The following RXRA variants were observed in gnomAD, a reference collection of about 807,000 sequenced individuals.
RXRA encodes retinoid X receptor alpha, also known as retinoic acid receptor RXR-alpha.
In RXRA, 5 loss-of-function variants were observed where a neutral mutation model predicts 44.5. The observed-to-expected ratio is 0.11, with a 90% CI of 0.06 to 0.24. The LOEUF (loss-of-function observed/expected upper bound fraction) is 0.24. RXRA is among the 10% of genes least tolerant of loss of function. The pLI is 1.00. For synonymous variants in RXRA, 291 were observed against 271.4 expected, an observed-to-expected ratio of 1.07 and a Z score of -0.71; for missense variants, 412 against 646.5, an observed-to-expected ratio of 0.64 and a Z score of 3.93.
At chr9:134,327,828 G>C (rs1188497681) in intron 1 of RXRA, among the ~76,000 whole-genome samples, 2 of 152,190 alleles carry the variant, frequency 1.3e-5, no homozygotes, top group African/African-American at 4.8e-5. Context: ...GTGCTGCCCC[G>C]TGACCGGGGC....
intron 6 of RXRA, among the ~76,000 whole-genome samples, chr9:134,427,397 G>A (rs946971242): frequency 1.3e-5 from 2 of 152,152 alleles, no homozygotes; most frequent in Admixed American, 1.3e-4. Flanking sequence ...AGGCGGGGAG[G>A]TGCCAGTCCC....
At position 134,440,266 on chromosome 9, in the gene RXRA, C is replaced by G. The variant is rs972064482; in HGVS notation, c.*3652C>G. 6.6e-6 allele frequency: 1 copy of G among 152,132 alleles called. No individual in the cohort carries two copies. Among genetic ancestry groups the G allele is most frequent in the South Asian group, 2.1e-4 (1 of 4,808 alleles). 9.4% of individuals were successfully genotyped at this position (152,132 alleles called of 1,614,324 possible). A position where few individuals can be genotyped will look rare whatever the true frequency, so the allele number is the denominator to read the frequency against. On this transcript the variant is annotated 3_prime_UTR_variant, in exon 10 of 10. Coordinates refer to ENST00000481739, the MANE Select transcript of RXRA (RefSeq NM_002957.6). ...GAGGAGAGGGCTCCTGTGACGGCGGCGAGGCTTGGGAGGAAACCGCCGCAA... is the reference window on the plus strand; with the variant it reads ...GAGGAGAGGGCTCCTGTGACGGCGGGGAGGCTTGGGAGGAAACCGCCGCAA...
At chr9:134,380,134 C>A in intron 1 of RXRA, 1 of 985,480 alleles carries the variant, frequency 1.0e-6, no homozygotes, top group Non-Finnish European at 1.2e-6. Context: ...CTTGGCACTG[C>A]CACCGTCCAC....
chr9:134,425,708 C>G, intron 6 of RXRA: 5 of 985,322 alleles, frequency 5.1e-6, no homozygotes, highest in Non-Finnish European at 6.0e-6. Context: ...ATCCTGCCCA[C>G]ATCTCTGGCC....
At chr9:134,383,996 C>T (rs971612797) in intron 1 of RXRA, among the ~76,000 whole-genome samples, 2 of 152,262 alleles carry the variant, frequency 1.3e-5, no homozygotes, top group African/African-American at 4.8e-5. Flanking sequence ...CTAGCATGTG[C>T]CTGTGGTACA....
chr9:134,420,637 A>G (rs193005651), intron 5 of RXRA, among the ~76,000 whole-genome samples: 150 of 152,332 alleles, frequency 9.8e-4, no homozygotes, highest in African/African-American at 3.4e-3. Flanking sequence ...AAGCTCTTCA[A>G]AGGGAGGCAT....
intron 1 of RXRA, among the ~76,000 whole-genome samples, chr9:134,339,659 C>CTG (rs535802622): frequency 8.5e-6 from 1 of 117,722 alleles, no homozygotes; most frequent in Admixed American, 8.3e-5. Context: ...GTGTGTGTGC[C>CTG]TGTGTGTGTG....
Position 134,426,155 on chromosome 9 carries a change from C to G in RXRA, c.911-2953C>G. ...CAAGGGAGCAGCCCCAGGCAAGACT[C>G]TTTGTCCTGCGCTTGGAGCCTGGAG... On this transcript the variant is annotated intron_variant, in intron 6 of 9. Coordinates refer to ENST00000481739, the MANE Select transcript of RXRA (RefSeq NM_002957.6). The surrounding 1 kb of genome is among the most constrained non-coding windows in gnomAD (Gnocchi z 4.6). 1.0e-6 allele frequency: 1 copy of G among 985,408 alleles called. No individual in the cohort carries two copies. The highest frequency in any genetic ancestry group is 1.2e-6 in the Non-Finnish European group (1 of 829,924). 61.0% of individuals were successfully genotyped at this position (985,408 alleles called of 1,614,324 possible).
intron 1 of RXRA, among the ~76,000 whole-genome samples, chr9:134,357,992 A>G (rs1830303192): frequency 1.3e-5 from 2 of 152,114 alleles, no homozygotes; most frequent in Non-Finnish European, 1.5e-5. Context: ...CCCACAGAAC[A>G]CGGGGACATG....
At chr9:134,401,917 G>T in intron 2 of RXRA, 35 bp downstream of exon 2, 1 of 1,493,668 alleles carries the variant, frequency 6.7e-7, no homozygotes, top group East Asian at 2.4e-5. Flanking sequence ...GAGGGGGTGG[G>T]GCCTGGGGTG....
chr9:134,396,831 C>T (rs183459897), intron 1 of RXRA, among the ~76,000 whole-genome samples: 37 of 152,196 alleles, frequency 2.4e-4, no homozygotes, highest in African/African-American at 1.2e-4. Flanking sequence ...CCTGATCACT[C>T]GGCCCCAGCC....
At chr9:134,425,428 C>G in intron 6 of RXRA, 1 of 985,140 alleles carries the variant, frequency 1.0e-6, no homozygotes. Flanking sequence ...CTCCGTCCAA[C>G]CTCCTTCCCA....
Position 134,326,572 on chromosome 9 carries a change from G to GGCCGCCGCGCCCGCCGCCCGCTGCCTGC in RXRA, c.-52_-25dup, listed in dbSNP as rs1564254697. 3 of 625,190 alleles carry GGCCGCCGCGCCCGCCGCCCGCTGCCTGC rather than the reference G, an allele frequency of 4.8e-6. No homozygotes were observed. In the African/African-American group the frequency reaches 6.1e-5, roughly 13 times the overall value. 38.7% of individuals were successfully genotyped at this position (625,190 alleles called of 1,614,324 possible). A position where few individuals can be genotyped will look rare whatever the true frequency, so the allele number is the denominator to read the frequency against. ...CCGGGCCCGGGCCGGCCGCGCCGGG[G>GGCCGCCGCGCCCGCCGCCCGCTGCCTGC]GCCGCCGCGCCCGCCGCCCGCTGCC... On this transcript the variant is annotated 5_prime_UTR_variant, in exon 1 of 10. Coordinates refer to ENST00000481739, the MANE Select transcript of RXRA (RefSeq NM_002957.6).
intron 1 of RXRA, among the ~76,000 whole-genome samples, chr9:134,339,640 CGTGTGTCTGTGTGTGTGCCTGTGT>C (rs1830059233): frequency 8.1e-6 from 1 of 122,792 alleles, no homozygotes; most frequent in African/African-American, 3.2e-5. Context: ...TGAGCCTGTG[CGTGTGTCTGTGTGTGTGCCTGTGT>C]GTGTGTGAGC....
intron 1 of RXRA, among the ~76,000 whole-genome samples, chr9:134,355,906 G>A (rs892947685): frequency 6.6e-6 from 1 of 152,144 alleles, no homozygotes; most frequent in South Asian, 2.1e-4. Flanking sequence ...CTTTGAGGAG[G>A]TCAGGGTCTG....
intron 1 of RXRA, among the ~76,000 whole-genome samples, chr9:134,329,049 C>T (rs1834961210): frequency 6.6e-6 from 1 of 152,262 alleles, no homozygotes; most frequent in Non-Finnish European, 1.5e-5. Context: ...CCCCCGCTGG[C>T]CTTATCCTGA....
chr9:134,368,361 C>G (rs1180150747), intron 1 of RXRA, among the ~76,000 whole-genome samples: 1 of 152,252 alleles, frequency 6.6e-6, no homozygotes. Flanking sequence ...GCCCTTGCCA[C>G]CCACTCCCCT....
chr9:134,338,179 TTCTGCTGCA>T, intron 1 of RXRA, among the ~76,000 whole-genome samples: 1 of 152,246 alleles, frequency 6.6e-6, no homozygotes, highest in African/African-American at 2.4e-5. Flanking sequence ...AAGCATGTGG[TTCTGCTGCA>T]CTGTCCCGGG....
chr9:134,429,876 C>T (rs1295078658), intron 7 of RXRA, among the ~76,000 whole-genome samples: 2 of 152,100 alleles, frequency 1.3e-5, no homozygotes, highest in African/African-American at 4.8e-5. Flanking sequence ...CTTCCTTGTC[C>T]CTGTCTCTGC....
Sources: gnomAD v4.1 joint callset for allele counts (sites outside exome capture counted in the v4.1 genomes callset) on GRCh38, gnomAD v4.1.1 for gene constraint, Gnocchi (gnomAD v3.1) non-coding constraint, MANE v1.5 for transcripts, NCBI Gene and HGNC (gene_info 2026-07-23, HGNC 2026-07-21) for gene names.